The following ITGA1 variants were observed in gnomAD, a reference collection of about 807,000 sequenced individuals.
The protein encoded by ITGA1 is integrin subunit alpha 1.
ITGA1 carries 85 observed loss-of-function variants against 145.9 expected under a neutral mutation model. That is an observed-to-expected ratio of 0.58 (90% CI 0.49 to 0.70). The LOEUF is 0.70. Ranked by LOEUF, ITGA1 falls within the 30% of genes least tolerant of loss-of-function variation. The pLI, the probability that ITGA1 is intolerant of heterozygous loss-of-function variation, is 0.00. For missense variants in ITGA1, 1,351 were observed against 1,418.7 expected (o/e 0.95, Z 0.77); for synonymous variants, 520 against 495.3 (o/e 1.05, Z -0.66).
At chr5:52,867,106 C>T (rs1442142947) in intron 6 of ITGA1, 1 of 151,492 alleles carries the variant, frequency 6.6e-6, no homozygotes, top group African/African-American at 2.4e-5. Context: ...TTTGCCACAC[C>T]TACATTAAAT....
intron 1 of ITGA1, among the ~76,000 whole-genome samples, chr5:52,846,218 T>A (rs1427617419): frequency 6.6e-6 from 1 of 152,086 alleles, no homozygotes; most frequent in East Asian, 1.9e-4. Flanking sequence ...CTGGCCAACA[T>A]GGCGAAACTC....
Position 52,788,305 on chromosome 5 carries a change from C to G in ITGA1, c.-49C>G. On this transcript the variant is annotated 5_prime_UTR_variant, in exon 1 of 29. Coordinates refer to ENST00000282588, the MANE Select transcript of ITGA1 (RefSeq NM_181501.2). The stretch of plus-strand genomic sequence containing the variant: ...AGAGAGCGCAGCTCCCGCGCCCGGT[C>G]CTGCCCTGCGAACCAGCGCGGCCCC... The G allele has an allele frequency of 6.9e-7, 1 of 1,446,260 alleles. No homozygotes were observed. Among genetic ancestry groups the G allele is most frequent in the Non-Finnish European group, 9.1e-7 (1 of 1,094,028 alleles). The allele number at this position is 1,446,260 out of a possible 1,614,324, so 89.6% of individuals were successfully genotyped here. A position where few individuals can be genotyped will look rare whatever the true frequency, so the allele number is the denominator to read the frequency against.
rs570585865 is a variant in ITGA1 at position 52,916,733 on chromosome 5, G to T, written c.1988+1139G>T. ...CACCAGAAGCCAAGGCTCAAAACCA[G>T]AAGTCAGCAGTGTCAGGGACAATGG... is the stretch of plus-strand genomic sequence containing the variant. On this transcript the variant is annotated intron_variant, in intron 15 of 28. Coordinates refer to ENST00000282588, the MANE Select transcript of ITGA1 (RefSeq NM_181501.2). Among the ~76,000 whole-genome samples, 9 of 152,310 alleles carry T rather than the reference G, an allele frequency of 5.9e-5. No individual in the cohort carries two copies. The South Asian group carries it at 1.9e-3, about 32-fold the overall frequency.
chr5:52,927,988 T>A (rs1750838043), intron 20 of ITGA1, among the ~76,000 whole-genome samples: 1 of 152,162 alleles, frequency 6.6e-6, no homozygotes, highest in African/African-American at 2.4e-5. Context: ...TTCTACCATG[T>A]CAGAACACAT....
intron 14 of ITGA1, 57 bp downstream of exon 14, chr5:52,910,476 G>A: frequency 1.9e-6 from 3 of 1,541,202 alleles, no homozygotes; most frequent in Non-Finnish European, 2.7e-6. Context: ...TTCAATGCCA[G>A]GCATTACCTG....
At chr5:52,932,213 C>A in intron 22 of ITGA1, 77 bp downstream of exon 22, 1 of 851,738 alleles carries the variant, frequency 1.2e-6, no homozygotes, top group African/African-American at 1.7e-5. Context: ...CCTGCCTGGC[C>A]AAGGGCATCA....
intron 9 of ITGA1, among the ~76,000 whole-genome samples, chr5:52,895,802 C>G (rs1314056108): frequency 6.6e-6 from 1 of 152,094 alleles, no homozygotes; most frequent in Non-Finnish European, 1.5e-5. Flanking sequence ...TTACAAATGT[C>G]TTCTATATCA....
intron 28 of ITGA1, among the ~76,000 whole-genome samples, chr5:52,952,149 C>T (rs1253752878): frequency 6.8e-6 from 1 of 146,588 alleles, no homozygotes; most frequent in Non-Finnish European, 1.5e-5. Context: ...GAGATCACGC[C>T]ACTGCACTCC....
intron 27 of ITGA1, among the ~76,000 whole-genome samples, 150 bp from the exon 28 acceptor site, chr5:52,947,192 TGAA>T: frequency 6.6e-6 from 1 of 152,328 alleles, no homozygotes; most frequent in African/African-American, 2.4e-5. Flanking sequence ...TTAGACTAGA[TGAA>T]GAGCATTTTC....
intron 2 of ITGA1, among the ~76,000 whole-genome samples, chr5:52,849,991 T>C (rs1348746968): frequency 2.7e-5 from 4 of 148,010 alleles, no homozygotes; most frequent in Admixed American, 6.8e-5. Context: ...GTTAAGTTCA[T>C]TGTAGATAGG....
At chr5:52,803,474 A>G (rs954685494) in intron 1 of ITGA1, 14 of 152,150 alleles carry the variant, frequency 9.2e-5, no homozygotes, top group African/African-American at 2.9e-4. Context: ...TACTCTCATA[A>G]TCTATGCAGT....
Position 52,859,389 on chromosome 5 carries a change from T to G in ITGA1, c.183-2058T>G, listed in dbSNP as rs142357857. On this transcript the variant is annotated intron_variant, in intron 2 of 28. Coordinates refer to ENST00000282588, the MANE Select transcript of ITGA1 (RefSeq NM_181501.2). ...CTTTTCCCTCTTACTTTAGGTCATTTTATTTAGGATAGATTCCCAGAAGTA... is the reference window on the plus strand; with the variant it reads ...CTTTTCCCTCTTACTTTAGGTCATTGTATTTAGGATAGATTCCCAGAAGTA... Among the ~76,000 whole-genome samples, 600 of 152,356 alleles carry G rather than the reference T, an allele frequency of 3.9e-3. 4 individuals carry two copies. Among genetic ancestry groups the G allele is most frequent in the African/African-American group, 0.013 (551 of 41,584 alleles).
intron 17 of ITGA1, 31 bp from the exon 18 acceptor site, chr5:52,922,746 C>T (rs750065288): frequency 7.5e-7 from 1 of 1,330,242 alleles, no homozygotes; most frequent in South Asian, 1.2e-5. Flanking sequence ...AAATATGATA[C>T]CAGTGATATA....
Position 52,959,146 on chromosome 5 carries a change from T to C in ITGA1, c.*6695T>C, listed in dbSNP as rs1751344105. ...TATCTGGTGCATCAGCTGTGTATTT[T>C]ACGTCAAGGTAAATGAGCATCCTGT... is the stretch of plus-strand genomic sequence containing the variant. On this transcript the variant is annotated 3_prime_UTR_variant, in exon 29 of 29. Coordinates refer to ENST00000282588, the MANE Select transcript of ITGA1 (RefSeq NM_181501.2). 1 of 152,200 alleles carries C rather than the reference T, an allele frequency of 6.6e-6. No homozygotes were observed. The highest frequency in any genetic ancestry group is 2.1e-4 in the South Asian group (1 of 4,834). 9.4% of individuals were successfully genotyped at this position (152,200 alleles called of 1,614,324 possible). A position where few individuals can be genotyped will look rare whatever the true frequency, so the allele number is the denominator to read the frequency against.
At chr5:52,810,437 G>C (rs532484756) in intron 1 of ITGA1, among the ~76,000 whole-genome samples, 18 of 152,324 alleles carry the variant, frequency 1.2e-4, no homozygotes, top group African/African-American at 4.3e-4. Context: ...CTCTTAAGTT[G>C]TTCATTTTAC....
chr5:52,920,455 C>T lies in ITGA1; in HGVS notation c.2279C>T (p.Ser760Phe). ...CGAAAATCAGAATGCACTAAGCACT[C>T]CTTCTACATGTTGGCAAGTAAATCA... Reference protein sequence around the residue: ...TVRKSECTKHSFYMLDKHDFQ... With the variant: ...TVRKSECTKHFFYMLDKHDFQ... The change falls in exon 17 of 29, where the codon TCC (serine) becomes TTC (phenylalanine). Residue 760 changes from serine (S) to phenylalanine (F), a missense_variant. Transcript: ENST00000282588. 1 of 1,600,402 alleles carries T rather than the reference C, an allele frequency of 6.2e-7. No homozygotes were observed. Among genetic ancestry groups the T allele is most frequent in the Non-Finnish European group, 8.5e-7 (1 of 1,174,808 alleles).
At chr5:52,876,000 A>T (rs983441042) in intron 6 of ITGA1, among the ~76,000 whole-genome samples, 5 of 151,700 alleles carry the variant, frequency 3.3e-5, no homozygotes, top group Admixed American at 2.6e-4. Flanking sequence ...TAGTACTTTC[A>T]TAATCTCTTG....
intron 9 of ITGA1, among the ~76,000 whole-genome samples, chr5:52,895,728 G>T (rs1420048604): frequency 6.6e-6 from 1 of 152,090 alleles, no homozygotes; most frequent in Non-Finnish European, 1.5e-5. Flanking sequence ...AGGTTGAAGA[G>T]CCCAAACACT....
At chr5:52,916,936 T>C (rs556870298) in intron 15 of ITGA1, among the ~76,000 whole-genome samples, 3 of 152,354 alleles carry the variant, frequency 2.0e-5, no homozygotes, top group South Asian at 4.1e-4. Context: ...TGGCCTCTCC[T>C]GCCCCAAATC....
Sources: gnomAD v4.1 joint callset for allele counts (sites outside exome capture counted in the v4.1 genomes callset) on GRCh38, gnomAD v4.1.1 for gene constraint, MANE v1.5 for transcripts, NCBI Gene and HGNC (gene_info 2026-07-23, HGNC 2026-07-21) for gene names.